Variants in PTPRD observed in about 807,000 individuals in gnomAD.
The protein encoded by PTPRD is protein tyrosine phosphatase receptor type D.
In PTPRD, 34 loss-of-function variants were observed where a neutral mutation model predicts 214.5. The observed-to-expected ratio is 0.16, with a 90% CI of 0.12 to 0.21. The LOEUF is 0.21. Among genes scored for constraint, PTPRD ranks in the 10% least tolerant of loss-of-function variants. The probability of loss-of-function intolerance (pLI) is 1.00; values close to 1 mark genes in which losing one functional copy is unlikely to be tolerated. For synonymous variants in PTPRD, 1,128 were observed against 845.7 expected, an observed-to-expected ratio of 1.33 and a Z score of -5.79; for missense variants, 2,545 against 2,398.7, an observed-to-expected ratio of 1.06 and a Z score of -1.27.
chr9:9,846,601 T>G (rs1388107419), intron 5 of PTPRD, among the ~76,000 whole-genome samples: 2 of 152,158 alleles, frequency 1.3e-5, no homozygotes, highest in South Asian at 2.1e-4. Flanking sequence ...CCAGACGAGT[T>G]TGCAGCTAGG....
chr9:8,985,642 C>CA (rs370886793), intron 11 of PTPRD, among the ~76,000 whole-genome samples: 2,224 of 118,428 alleles, frequency 0.019, 51 homozygotes, highest in African/African-American at 0.06. Flanking sequence ...GTGCCTTTTA[C>CA]AAAAAAAAAA....
chr9:9,318,423 A>G (rs898825932), intron 9 of PTPRD, among the ~76,000 whole-genome samples: 1 of 152,106 alleles, frequency 6.6e-6, no homozygotes, highest in Non-Finnish European at 1.5e-5. Flanking sequence ...TGAGATTCTA[A>G]AATTCCAAGA....
chr9:9,207,502 T>G (rs2099945610), intron 9 of PTPRD, among the ~76,000 whole-genome samples: 1 of 152,128 alleles, frequency 6.6e-6, no homozygotes, highest in African/African-American at 2.4e-5. Flanking sequence ...AAACTAAAGC[T>G]ATTAGACTGA....
At chr9:9,307,272 A>G (rs759079021) in intron 9 of PTPRD, among the ~76,000 whole-genome samples, 1 of 152,162 alleles carries the variant, frequency 6.6e-6, no homozygotes, top group East Asian at 1.9e-4. Flanking sequence ...AGCTCACACT[A>G]TATAAATTTG....
intron 3 of PTPRD, among the ~76,000 whole-genome samples, chr9:10,237,817 T>A (rs1323387983): frequency 6.6e-6 from 1 of 151,926 alleles, no homozygotes. Flanking sequence ...GAGTATAGTG[T>A]CCATGTTGGA....
intron 11 of PTPRD, among the ~76,000 whole-genome samples, chr9:8,742,178 C>T (rs1348337897): frequency 6.6e-6 from 1 of 152,050 alleles, no homozygotes; most frequent in Non-Finnish European, 1.5e-5. Flanking sequence ...TGACAGACTG[C>T]ACACATTACA....
chr9:8,423,671 C>G (rs1223270373), intron 35 of PTPRD, among the ~76,000 whole-genome samples: 1 of 151,994 alleles, frequency 6.6e-6, no homozygotes, highest in Non-Finnish European at 1.5e-5. Context: ...CAGTATAGGT[C>G]TCACTTTTTT....
chr9:10,360,963 G>T (rs35476806), intron 2 of PTPRD, among the ~76,000 whole-genome samples: 3 of 151,898 alleles, frequency 2.0e-5, no homozygotes, highest in Non-Finnish European at 4.4e-5. Flanking sequence ...TTAGCCGGGC[G>T]TGGTGCCGGG....
At chr9:9,220,646 G>A (rs1461930004) in intron 9 of PTPRD, among the ~76,000 whole-genome samples, 1 of 151,894 alleles carries the variant, frequency 6.6e-6, no homozygotes, top group Non-Finnish European at 1.5e-5. Flanking sequence ...GCATTTCGGG[G>A]GGTTGAATTC....
At chr9:10,278,334 G>T (rs1026585920) in intron 3 of PTPRD, among the ~76,000 whole-genome samples, 1 of 152,172 alleles carries the variant, frequency 6.6e-6, no homozygotes, top group African/African-American at 2.4e-5. Context: ...TCCTTAATAA[G>T]AAAATACAGG....
chr9:9,582,963 C>G (rs1401564358), intron 7 of PTPRD, among the ~76,000 whole-genome samples: 1 of 151,940 alleles, frequency 6.6e-6, no homozygotes, highest in Non-Finnish European at 1.5e-5. Flanking sequence ...AATTGAAAGT[C>G]ATTTGAAAGT....
chr9:8,762,587 A>G (rs1421632858), intron 11 of PTPRD, among the ~76,000 whole-genome samples: 2 of 152,202 alleles, frequency 1.3e-5, no homozygotes, highest in Admixed American at 1.3e-4. Context: ...TCATGTCACC[A>G]GATGAACGGG....
At chr9:10,513,190 G>A (rs894554668) in intron 2 of PTPRD, among the ~76,000 whole-genome samples, 1 of 152,060 alleles carries the variant, frequency 6.6e-6, no homozygotes, top group African/African-American at 2.4e-5. Context: ...GTATGTGTGT[G>A]TGTGTGTGTG....
intron 8 of PTPRD, among the ~76,000 whole-genome samples, chr9:9,488,962 T>C (rs1178667207): frequency 6.6e-6 from 1 of 152,142 alleles, no homozygotes; most frequent in African/African-American, 2.4e-5. Flanking sequence ...AACATAGCAG[T>C]ACAAAGAGGC....
intron 8 of PTPRD, among the ~76,000 whole-genome samples, chr9:9,490,848 AAGAC>A (rs1160150753): frequency 6.6e-6 from 1 of 151,790 alleles, no homozygotes; most frequent in South Asian, 2.1e-4. Context: ...AAATAGCAAA[AAGAC>A]AGAGGTAAGT....
intron 3 of PTPRD, among the ~76,000 whole-genome samples, chr9:10,142,059 C>T (rs1441659706): frequency 2.0e-5 from 3 of 151,878 alleles, no homozygotes; most frequent in Non-Finnish European, 4.4e-5. Flanking sequence ...GCTGGGAAAA[C>T]TGGCTAGCCA....
intron 11 of PTPRD, among the ~76,000 whole-genome samples, chr9:8,782,796 A>G (rs943378494): frequency 6.6e-6 from 1 of 151,962 alleles, no homozygotes; most frequent in East Asian, 1.9e-4. Context: ...GGGTTTCACC[A>G]TGTTGGTCAG....
At chr9:8,570,164 T>C (rs1020995886) in intron 14 of PTPRD, among the ~76,000 whole-genome samples, 1 of 152,102 alleles carries the variant, frequency 6.6e-6, no homozygotes, top group Non-Finnish European at 1.5e-5. Flanking sequence ...TGCTAGTATA[T>C]GTGACTTCAT....
At chr9:8,852,500 G>C (rs1239506233) in intron 11 of PTPRD, among the ~76,000 whole-genome samples, 1 of 152,174 alleles carries the variant, frequency 6.6e-6, no homozygotes, top group African/African-American at 2.4e-5. Flanking sequence ...AATGCTGGAG[G>C]AGCCAAAGTG....
Sources: allele counts gnomAD v4.1 joint callset (sites outside exome capture counted in the v4.1 genomes callset), GRCh38; gene constraint gnomAD v4.1.1; transcripts MANE v1.5; gene names NCBI Gene and HGNC (gene_info 2026-07-23, HGNC 2026-07-21).